Variants in DOCK1 observed in about 807,000 individuals in gnomAD.
The protein encoded by DOCK1 is dedicator of cytokinesis 1, also known as dedicator of cytokinesis protein 1.
In DOCK1, 138 loss-of-function variants were observed where a neutral mutation model predicts 262.7. That is an observed-to-expected ratio of 0.53 (90% CI 0.46 to 0.61). DOCK1 has a LOEUF of 0.61. DOCK1 is among the 20% of genes least tolerant of loss of function. The pLI is 0.00. For synonymous variants in DOCK1, 866 were observed against 867.4 expected, an observed-to-expected ratio of 1.00 and a Z score of 0.03; for missense variants, 1,908 against 2,370.7, an observed-to-expected ratio of 0.80 and a Z score of 4.05.
chr10:127,357,435 T>G (rs1177328005), intron 32 of DOCK1, among the ~76,000 whole-genome samples: 1 of 152,144 alleles, frequency 6.6e-6, no homozygotes, highest in Non-Finnish European at 1.5e-5. Flanking sequence ...AGGCCTGGCC[T>G]TCTGAGGATA....
chr10:127,038,231 C>T (rs1591770438), intron 19 of DOCK1, among the ~76,000 whole-genome samples: 1 of 152,194 alleles, frequency 6.6e-6, no homozygotes, highest in East Asian at 1.9e-4. Context: ...AAAACTCCGT[C>T]TCAAAAAAAC....
At chr10:127,213,067 G>A (rs1298428434) in intron 27 of DOCK1, among the ~76,000 whole-genome samples, 6 of 152,040 alleles carry the variant, frequency 3.9e-5, no homozygotes, top group African/African-American at 1.5e-4. Context: ...CAGTAATGTC[G>A]ACAGCTTGCT....
intron 39 of DOCK1, among the ~76,000 whole-genome samples, chr10:127,403,644 G>A (rs915720301): frequency 6.6e-6 from 1 of 152,154 alleles, no homozygotes; most frequent in Non-Finnish European, 1.5e-5. Flanking sequence ...CTGTAGTCCT[G>A]GCTACTTGGG....
At chr10:127,181,843 T>C (rs1031457006) in intron 27 of DOCK1, among the ~76,000 whole-genome samples, 2 of 152,362 alleles carry the variant, frequency 1.3e-5, no homozygotes, top group Admixed American at 1.3e-4. Flanking sequence ...TAGGTGCCAA[T>C]TGAGTCTTCA....
rs372228960 is a variant in DOCK1 at position 127,127,686 on chromosome 10, C to T, written c.2769C>T (p.His923=). The T allele has an allele frequency of 1.1e-5, 17 of 1,612,518 alleles. No homozygotes were observed. The highest frequency in any genetic ancestry group is 4.4e-5 in the South Asian group (4 of 90,920). The change falls in exon 27 of 52, where the codon CAC becomes CAT. Residue 923 remains histidine (H), a synonymous_variant. Coordinates refer to ENST00000623213, the MANE Select transcript of DOCK1 (RefSeq NM_001290223.2). Reference sequence around the variant, plus strand: ...TTCCCCAGGGGCCAACCCAGAGGCACGTCCAGATTATCATGGAGAAACTTC... The same window carrying T: ...TTCCCCAGGGGCCAACCCAGAGGCATGTCCAGATTATCATGGAGAAACTTC... ...YRKDVGPTQR[H]VQIIMEKLLR...
chr10:127,422,208 C>A (rs2068558154), intron 46 of DOCK1, among the ~76,000 whole-genome samples: 2 of 121,402 alleles, frequency 1.6e-5, no homozygotes, highest in African/African-American at 6.5e-5. Context: ...CGCTCTGTCA[C>A]CAGCCTGGAG....
intron 13 of DOCK1, among the ~76,000 whole-genome samples, chr10:127,019,519 C>T (rs1252919697): frequency 2.2e-5 from 3 of 136,458 alleles, no homozygotes; most frequent in South Asian, 2.5e-4. Flanking sequence ...GAGTTCGAGG[C>T]GGGGGGATCA....
intron 27 of DOCK1, among the ~76,000 whole-genome samples, chr10:127,153,617 T>C (rs914285571): frequency 1.1e-4 from 16 of 152,238 alleles, no homozygotes; most frequent in African/African-American, 3.9e-4. Context: ...ATACCAATTC[T>C]TGAAACCACT....
rs1438564377 is a variant in DOCK1 at position 126,986,367 on chromosome 10, C to CA, written c.228-1152dup. ...CCACAGGTCTGGGCTCTGTGCACAT[C>CA]AAGGGTTGTAGGTGGGAACTATTGT... On this transcript the variant is annotated intron_variant, in intron 4 of 51. Transcript: ENST00000623213. Among the ~76,000 whole-genome samples the CA allele has an allele frequency of 5.9e-5, 9 of 152,274 alleles. 1 individual carries two copies. In the South Asian group the frequency reaches 1.9e-3, roughly 32 times the overall value.
intron 27 of DOCK1, among the ~76,000 whole-genome samples, chr10:127,192,161 G>T (rs1335735080): frequency 6.6e-6 from 1 of 151,612 alleles, no homozygotes; most frequent in Non-Finnish European, 1.5e-5. Context: ...TTCTTTTTTT[G>T]CTCAAACTTC....
chr10:127,344,537 C>T (rs2063550446), intron 31 of DOCK1: 1 of 152,198 alleles, frequency 6.6e-6, no homozygotes. Flanking sequence ...AATACCTCTG[C>T]AATATCTCGA....
chr10:127,384,988 G>C, intron 38 of DOCK1, 79 bp downstream of exon 38: 2 of 1,384,542 alleles, frequency 1.4e-6, no homozygotes, highest in Non-Finnish European at 1.9e-6. Flanking sequence ...GTTTTTTAGC[G>C]TGTGATTTTT....
intron 27 of DOCK1, among the ~76,000 whole-genome samples, chr10:127,164,818 C>T (rs1413044180): frequency 6.6e-6 from 1 of 152,154 alleles, no homozygotes; most frequent in Non-Finnish European, 1.5e-5. Flanking sequence ...TTACATTTTC[C>T]TTCCTTCATT....
intron 24 of DOCK1, among the ~76,000 whole-genome samples, chr10:127,110,011 A>G (rs1030584408): frequency 6.6e-6 from 1 of 151,268 alleles, no homozygotes; most frequent in African/African-American, 2.4e-5. Context: ...CTTTACCAAC[A>G]CTTGTTATTG....
intron 11 of DOCK1, among the ~76,000 whole-genome samples, 153 bp downstream of exon 11, chr10:127,008,957 G>A (rs1000850623): frequency 7.9e-5 from 12 of 152,252 alleles, no homozygotes; most frequent in African/African-American, 2.9e-4. Context: ...GTAGTACATG[G>A]AATTTTTTGT....
intron 1 of DOCK1, among the ~76,000 whole-genome samples, chr10:126,926,712 C>T (rs2033755089): frequency 6.6e-6 from 1 of 152,146 alleles, no homozygotes; most frequent in Admixed American, 6.5e-5. Flanking sequence ...CACGTGAGAA[C>T]TCAGCCAAGT....
intron 23 of DOCK1, among the ~76,000 whole-genome samples, chr10:127,093,251 T>TCTTTC (rs1169950905): frequency 9.1e-6 from 1 of 109,428 alleles, no homozygotes; most frequent in African/African-American, 5.1e-5. Context: ...TCTTTTTTTT[T>TCTTTC]TTTTTTTTTT....
intron 25 of DOCK1, among the ~76,000 whole-genome samples, chr10:127,118,348 T>A (rs2049318707): frequency 6.6e-6 from 1 of 152,212 alleles, no homozygotes; most frequent in Admixed American, 6.5e-5. Flanking sequence ...TTTCATCTAC[T>A]GATAAATGGG....
chr10:127,109,388 T>C (rs1564809293), intron 24 of DOCK1, among the ~76,000 whole-genome samples: 1 of 152,246 alleles, frequency 6.6e-6, no homozygotes, highest in East Asian at 1.9e-4. Flanking sequence ...TGCTTTATTG[T>C]GGTATTATTT....
Sources: gnomAD v4.1 joint callset for allele counts (sites outside exome capture counted in the v4.1 genomes callset) on GRCh38, gnomAD v4.1.1 for gene constraint, MANE v1.5 for transcripts, NCBI Gene and HGNC (gene_info 2026-07-23, HGNC 2026-07-21) for gene names.